The following KLHL32 variants were observed in gnomAD, a reference collection of about 807,000 sequenced individuals.
KLHL32 encodes kelch like family member 32.
In KLHL32, 35 loss-of-function variants were observed where a neutral mutation model predicts 64.8. The ratio of observed to expected loss-of-function variants is 0.54; its 90% CI spans 0.41 to 0.72. The LOEUF (loss-of-function observed/expected upper bound fraction) is 0.72. Ranked by LOEUF, KLHL32 falls within the 30% of genes least tolerant of loss-of-function variation. KLHL32 has a pLI of 0.00. For missense variants in KLHL32, 589 were observed against 768.5 expected (o/e 0.77, Z 2.76); for synonymous variants, 259 against 281.0 (o/e 0.92, Z 0.78).
In KLHL32 at chr6:97,064,729, A is replaced by G. The variant is rs1449076561; in HGVS notation, c.411+3A>G. 1 of 1,608,962 alleles carries G rather than the reference A, an allele frequency of 6.2e-7. No homozygotes were observed. The highest frequency in any genetic ancestry group is 8.5e-7 in the Non-Finnish European group (1 of 1,175,320). ...TATGCTCCCACTATCTCATCCAGGT[A>G]TGTGAGCTTGCATCCTGCTCATACA... is the stretch of plus-strand genomic sequence containing the variant. On this transcript the variant is annotated splice_donor_region_variant and intron_variant, in intron 5 of 10. Transcript: ENST00000369261.
At chr6:97,034,685 A>G (rs1429620116) in intron 3 of KLHL32, among the ~76,000 whole-genome samples, 2 of 151,838 alleles carry the variant, frequency 1.3e-5, no homozygotes, top group South Asian at 4.2e-4. Flanking sequence ...TCCTTCACCA[A>G]TGTTTTATAA....
At chr6:96,985,518 G>A (rs1481058486) in intron 3 of KLHL32, among the ~76,000 whole-genome samples, 9 of 152,146 alleles carry the variant, frequency 5.9e-5, no homozygotes, top group Non-Finnish European at 1.3e-4. Flanking sequence ...CCAATCAGAC[G>A]TAGATTTGGT....
intron 6 of KLHL32, among the ~76,000 whole-genome samples, chr6:97,089,414 T>G (rs1234546627): frequency 1.3e-5 from 2 of 152,192 alleles, no homozygotes; most frequent in East Asian, 3.8e-4. Flanking sequence ...AGTGGGAAGT[T>G]TTGTTTTCCT....
At chr6:97,131,164 C>T (rs928112498) in intron 9 of KLHL32, among the ~76,000 whole-genome samples, 2 of 152,152 alleles carry the variant, frequency 1.3e-5, no homozygotes, top group Non-Finnish European at 2.9e-5. Context: ...TATATTACTA[C>T]CATTATGCAC....
intron 1 of KLHL32, among the ~76,000 whole-genome samples, chr6:96,966,503 T>C (rs1376807239): frequency 6.6e-6 from 1 of 152,238 alleles, no homozygotes; most frequent in African/African-American, 2.4e-5. Context: ...TATGTTATTT[T>C]TTCCACCTAC....
intron 3 of KLHL32, among the ~76,000 whole-genome samples, chr6:97,004,822 G>A (rs1309125139): frequency 2.6e-5 from 4 of 152,120 alleles, no homozygotes; most frequent in Non-Finnish European, 5.9e-5. Flanking sequence ...CAAGGAAAAA[G>A]CCTATTTGAT....
chr6:97,004,540 T>G (rs1309483789), intron 3 of KLHL32, among the ~76,000 whole-genome samples: 1 of 152,180 alleles, frequency 6.6e-6, no homozygotes, highest in Non-Finnish European at 1.5e-5. Context: ...AGAGTGGGCA[T>G]TCTTGTCTTG....
intron 8 of KLHL32, among the ~76,000 whole-genome samples, chr6:97,129,294 C>CT (rs1205263420): frequency 6.6e-6 from 1 of 152,134 alleles, no homozygotes; most frequent in East Asian, 1.9e-4. Flanking sequence ...CATCGTATGA[C>CT]TTTTTTTCTG....
At position 97,127,405 on chromosome 6, in the gene KLHL32, T is replaced by C; in HGVS notation, c.1356T>C (p.Gly452=). 6.2e-7 allele frequency: 1 copy of C among 1,612,294 alleles called. No homozygotes were observed. Among genetic ancestry groups the C allele is most frequent in the Non-Finnish European group, 8.5e-7 (1 of 1,178,488 alleles). The change falls in exon 8 of 11, where the codon GGT becomes GGC. Residue 452 remains glycine, a splice_region_variant and synonymous_variant. Transcript: ENST00000369261. The part of the protein sequence containing the change: ...YVADGLLWIS[G]GVTNTAQYQN... ...CTAACACATGTTAATCCATTACAGGTGGAGTAACTAATACGGCACAATATC... is the reference window on the plus strand; with the variant it reads ...CTAACACATGTTAATCCATTACAGGCGGAGTAACTAATACGGCACAATATC...
At chr6:97,005,569 A>G (rs1206090) in intron 3 of KLHL32, among the ~76,000 whole-genome samples, 56,573 of 151,850 alleles carry the variant, frequency 0.37, 12,116 homozygotes, top group African/African-American at 0.56. Flanking sequence ...TAGGTGTGAT[A>G]TTAGGTTGTT....
chr6:96,977,673 T>A (rs1358784379), intron 3 of KLHL32, among the ~76,000 whole-genome samples: 1 of 152,222 alleles, frequency 6.6e-6, no homozygotes, highest in African/African-American at 2.4e-5. Context: ...AATAATACTG[T>A]TGGTTTTGTT....
At chr6:97,007,974 A>T (rs1333112652) in intron 3 of KLHL32, among the ~76,000 whole-genome samples, 1 of 152,208 alleles carries the variant, frequency 6.6e-6, no homozygotes, top group Non-Finnish European at 1.5e-5. Context: ...CATGCCAGCG[A>T]TTGCAGCAAT....
At chr6:96,945,290 C>T (rs992528879) in intron 1 of KLHL32, among the ~76,000 whole-genome samples, 2 of 152,226 alleles carry the variant, frequency 1.3e-5, no homozygotes, top group Admixed American at 6.5e-5. Context: ...CATGATGCCA[C>T]ATAACTCAAA....
intron 3 of KLHL32, among the ~76,000 whole-genome samples, chr6:96,986,344 G>A (rs1251217751): frequency 6.6e-6 from 1 of 152,318 alleles, no homozygotes; most frequent in Non-Finnish European, 1.5e-5. Flanking sequence ...GAGGCAGTCT[G>A]TCCGTTCTTA....
chr6:97,030,735 A>T lies in KLHL32; in HGVS notation c.205-10757A>T, dbSNP rs556417052. Among the ~76,000 whole-genome samples, 4 of 152,268 alleles carry T rather than the reference A, an allele frequency of 2.6e-5. No individual in the cohort carries two copies. The South Asian group carries it at 8.3e-4, about 32-fold the overall frequency. ...CTTTGAACTCACTTGTGTTTCTCAA[A>T]TGTTTAGCTTACAGTAGATGCTCTT... On this transcript the variant is annotated intron_variant, in intron 3 of 10. Coordinates refer to ENST00000369261, the MANE Select transcript of KLHL32 (RefSeq NM_052904.4).
chr6:97,012,833 CAA>C lies in KLHL32; in HGVS notation c.205-28656_205-28655del, dbSNP rs1215339272. Among the ~76,000 whole-genome samples the C allele has an allele frequency of 4.6e-5, 7 of 152,272 alleles. No homozygotes were observed. In the East Asian group the frequency reaches 1.3e-3, roughly 29 times the overall value. On this transcript the variant is annotated intron_variant, in intron 3 of 10. Coordinates refer to ENST00000369261, the MANE Select transcript of KLHL32 (RefSeq NM_052904.4). ...GTTCCTTTATTTCAAAGCAGAATAT[CAA>C]AAGAGAGTCAGAAGGATTTGACATG...
chr6:97,005,028 A>G (rs545584284), intron 3 of KLHL32, among the ~76,000 whole-genome samples: 25 of 152,142 alleles, frequency 1.6e-4, no homozygotes, highest in South Asian at 8.3e-4. Context: ...ATCCTCCCCA[A>G]TGTTTTTGAA....
chr6:96,996,039 C>T (rs1778385793), intron 3 of KLHL32, among the ~76,000 whole-genome samples: 1 of 152,210 alleles, frequency 6.6e-6, no homozygotes, highest in Non-Finnish European at 1.5e-5. Flanking sequence ...AAGTCAGCCT[C>T]TTCTCCCTGC....
chr6:97,112,678 C>T (rs1257417701), intron 6 of KLHL32, among the ~76,000 whole-genome samples: 1 of 151,826 alleles, frequency 6.6e-6, no homozygotes, highest in Non-Finnish European at 1.5e-5. Flanking sequence ...AACCCTTGAC[C>T]TCTTGATCTG....
Sources: gnomAD v4.1 joint callset for allele counts (sites outside exome capture counted in the v4.1 genomes callset) on GRCh38, gnomAD v4.1.1 for gene constraint, MANE v1.5 for transcripts, NCBI Gene and HGNC (gene_info 2026-07-23, HGNC 2026-07-21) for gene names.